The following RORA variants were observed in gnomAD, a reference collection of about 807,000 sequenced individuals.
RORA encodes the protein RAR related orphan receptor A, also known as nuclear receptor ROR-alpha.
In RORA, 7 loss-of-function variants were observed where a neutral mutation model predicts 69.5. The ratio of observed to expected loss-of-function variants is 0.10; its 90% CI spans 0.06 to 0.19. The LOEUF (loss-of-function observed/expected upper bound fraction) is 0.19, where lower values mean the gene tolerates loss of function less well. Among genes scored for constraint, RORA ranks in the 10% least tolerant of loss-of-function variants. RORA has a pLI of 1.00. For missense variants in RORA, 457 were observed against 663.0 expected (o/e 0.69, Z 3.41); for synonymous variants, 261 against 240.8 (o/e 1.08, Z -0.78).
intron 1 of RORA, among the ~76,000 whole-genome samples, chr15:60,758,821 TAACTC>T (rs940459014): frequency 6.6e-6 from 1 of 152,208 alleles, no homozygotes; most frequent in African/African-American, 2.4e-5. Flanking sequence ...TTCCAGCTGA[TAACTC>T]AGATGGATTC....
At chr15:60,913,105 G>A (rs1464233169) in intron 1 of RORA, among the ~76,000 whole-genome samples, 4 of 152,124 alleles carry the variant, frequency 2.6e-5, no homozygotes, top group Admixed American at 2.6e-4. Flanking sequence ...CCTAAAGTAG[G>A]CTCCACAAAA....
chr15:61,170,838 C>A (rs535293404), intron 1 of RORA, among the ~76,000 whole-genome samples: 2 of 152,292 alleles, frequency 1.3e-5, no homozygotes, highest in African/African-American at 4.8e-5. Context: ...GTAATTGGGG[C>A]TGGATAGTGC....
At chr15:60,889,700 C>T (rs1479087702) in intron 1 of RORA, among the ~76,000 whole-genome samples, 1 of 152,204 alleles carries the variant, frequency 6.6e-6, no homozygotes, top group Non-Finnish European at 1.5e-5. Context: ...CACAATCCCC[C>T]AAGTTAAAAT....
intron 2 of RORA, among the ~76,000 whole-genome samples, chr15:60,578,912 C>T (rs1462992947): frequency 4.0e-5 from 6 of 151,704 alleles, no homozygotes; most frequent in South Asian, 2.1e-4. Flanking sequence ...TACAGGCGCC[C>T]GCCACCATGC....
At chr15:60,858,164 C>CA (rs2073400485) in intron 1 of RORA, among the ~76,000 whole-genome samples, 1 of 152,170 alleles carries the variant, frequency 6.6e-6, no homozygotes, top group Non-Finnish European at 1.5e-5. Flanking sequence ...ACACGGGGTC[C>CA]ATGGCCTTGC....
At chr15:60,890,797 T>C (rs1041230100) in intron 1 of RORA, among the ~76,000 whole-genome samples, 1 of 152,208 alleles carries the variant, frequency 6.6e-6, no homozygotes, top group African/African-American at 2.4e-5. Context: ...AGACTTTAAG[T>C]TCAAGGCAGA....
intron 2 of RORA, among the ~76,000 whole-genome samples, chr15:60,599,659 C>T (rs28519375): frequency 2.6e-5 from 4 of 152,194 alleles, no homozygotes; most frequent in African/African-American, 7.2e-5. Context: ...AAAATACACA[C>T]AGATAAGAAG....
At chr15:61,223,080 G>A (rs1032211513) in intron 1 of RORA, among the ~76,000 whole-genome samples, 6 of 152,040 alleles carry the variant, frequency 3.9e-5, no homozygotes, top group South Asian at 2.1e-4. Context: ...TTGGGAGGCC[G>A]AGGCGGGTGG....
intron 1 of RORA, among the ~76,000 whole-genome samples, chr15:61,166,587 A>G (rs547210795): frequency 1.3e-5 from 2 of 152,168 alleles, no homozygotes; most frequent in Admixed American, 1.3e-4. Context: ...TGAATCTCAC[A>G]GCAGCATGAT....
chr15:61,143,707 G>T (rs543944399), intron 1 of RORA, among the ~76,000 whole-genome samples: 1 of 152,256 alleles, frequency 6.6e-6, no homozygotes, highest in African/African-American at 2.4e-5. Context: ...TGGTACAACT[G>T]GCCAGTTAGT....
intron 1 of RORA, among the ~76,000 whole-genome samples, chr15:61,190,336 C>T (rs186227590): frequency 2.4e-4 from 36 of 152,206 alleles, no homozygotes; most frequent in Non-Finnish European, 4.1e-4. Flanking sequence ...TTGTTTTACA[C>T]GGTGCATGGA....
intron 2 of RORA, among the ~76,000 whole-genome samples, chr15:60,611,887 G>A (rs1187369051): frequency 1.3e-5 from 2 of 152,174 alleles, no homozygotes; most frequent in Non-Finnish European, 2.9e-5. Flanking sequence ...GTCACGCAGC[G>A]GAAGGCCAAA....
At chr15:60,953,995 C>A (rs1476620462) in intron 1 of RORA, among the ~76,000 whole-genome samples, 14 of 151,240 alleles carry the variant, frequency 9.3e-5, no homozygotes, top group African/African-American at 1.9e-4. Flanking sequence ...ATGCACACGT[C>A]TGTTTATTGC....
At chr15:61,170,657 T>C (rs1292097701) in intron 1 of RORA, among the ~76,000 whole-genome samples, 1 of 152,196 alleles carries the variant, frequency 6.6e-6, no homozygotes, top group Non-Finnish European at 1.5e-5. Flanking sequence ...AGAGCATATA[T>C]GTGTATTTTT....
At position 61,061,528 on chromosome 15, in the gene RORA, C is replaced by T. The variant is rs138897970; in HGVS notation, c.166+167525G>A. ...CAGGATAGACAAACTTCTGACCTCG[C>T]CCCTCATTCTAAAGTGTAATTCCCA... is the stretch of plus-strand genomic sequence containing the variant. On this transcript the variant is annotated intron_variant, in intron 1 of 10. Transcript: ENST00000335670. The surrounding 1 kb of genome is among the most constrained non-coding windows in gnomAD (Gnocchi z 4.4). Among the ~76,000 whole-genome samples the T allele has an allele frequency of 4.0e-3, 611 of 152,164 alleles. 5 individuals are homozygous for T. The highest frequency in any genetic ancestry group is 0.014 in the African/African-American group (584 of 41,518).
chr15:60,650,570 G>A (rs2070128041), intron 2 of RORA: 1 of 152,198 alleles, frequency 6.6e-6, no homozygotes, highest in Non-Finnish European at 1.5e-5. Flanking sequence ...GAGAGAGGGT[G>A]AGAAAGGTTT....
intron 1 of RORA, among the ~76,000 whole-genome samples, chr15:60,911,230 C>T (rs1189167696): frequency 1.3e-5 from 2 of 151,672 alleles, no homozygotes; most frequent in African/African-American, 2.4e-5. Context: ...CCACTGTGCC[C>T]GGCTGACTCT....
chr15:60,928,547 G>C lies in RORA; in HGVS notation c.167-249861C>G, dbSNP rs147789557. Among the ~76,000 whole-genome samples the C allele has an allele frequency of 2.2e-3, 339 of 152,254 alleles. 1 individual carries two copies. Among genetic ancestry groups the C allele is most frequent in the Middle Eastern group, 6.8e-3 (2 of 294 alleles). ...ATAGACTAAGTAATAATCAGAAGTG[G>C]AGAGGTTAAACTAATACAATGGGCA... On this transcript the variant is annotated intron_variant, in intron 1 of 10. Transcript: ENST00000335670.
chr15:60,788,420 T>C (rs1382916569), intron 1 of RORA, among the ~76,000 whole-genome samples: 1 of 152,086 alleles, frequency 6.6e-6, no homozygotes, highest in Non-Finnish European at 1.5e-5. Context: ...CTCAAGACAT[T>C]TTAGTGGGAA....
Sources: gnomAD v4.1 joint callset for allele counts (sites outside exome capture counted in the v4.1 genomes callset) on GRCh38, gnomAD v4.1.1 for gene constraint, Gnocchi (gnomAD v3.1) non-coding constraint, MANE v1.5 for transcripts, NCBI Gene and HGNC (gene_info 2026-07-23, HGNC 2026-07-21) for gene names.